Variants in PDE3B observed in about 807,000 individuals in gnomAD.
PDE3B encodes phosphodiesterase 3B, also known as cGMP-inhibited 3',5'-cyclic phosphodiesterase 3B.
A neutral mutation model predicts 116.8 loss-of-function variants in PDE3B; 66 were observed. The observed-to-expected ratio is 0.56, with a 90% CI of 0.46 to 0.69. The LOEUF is 0.69. Among genes scored for constraint, PDE3B ranks in the 30% least tolerant of loss-of-function variants. PDE3B has a pLI of 0.00. For missense variants in PDE3B, 1,384 were observed against 1,368.1 expected (o/e 1.01, Z -0.18); for synonymous variants, 595 against 533.6 (o/e 1.12, Z -1.59).
chr11:14,881,438 T>G, the PDE3B span, among the ~76,000 whole-genome samples: 1 of 152,110 alleles, frequency 6.6e-6, no homozygotes, highest in Non-Finnish European at 1.5e-5. Context: ...TCCCTTAAAT[T>G]AATTCAACAT....
chr11:14,656,885 G>T (rs982145476), intron 1 of PDE3B, among the ~76,000 whole-genome samples: 9 of 152,028 alleles, frequency 5.9e-5, no homozygotes, highest in Non-Finnish European at 1.0e-4. Context: ...CGTTTTTATT[G>T]TCTCGATACT....
the PDE3B span, chr11:14,879,526 A>AC: frequency 8.9e-7 from 1 of 1,124,988 alleles, no homozygotes; most frequent in Non-Finnish European, 1.3e-6. Context: ...AAAATAAAGG[A>AC]TAACCTATAA....
At chr11:14,730,350 C>G (rs772237169) in intron 1 of PDE3B, among the ~76,000 whole-genome samples, 1 of 152,152 alleles carries the variant, frequency 6.6e-6, no homozygotes, top group Non-Finnish European at 1.5e-5. Flanking sequence ...ATCAACACTC[C>G]TCAGGTAGGT....
chr11:14,695,562 A>G (rs759447435), intron 1 of PDE3B, among the ~76,000 whole-genome samples: 3 of 151,988 alleles, frequency 2.0e-5, no homozygotes, highest in Admixed American at 6.6e-5. Context: ...CAGGATGTGC[A>G]GGTTACATAG....
intron 1 of PDE3B, among the ~76,000 whole-genome samples, chr11:14,763,155 G>A (rs1394742932): frequency 1.3e-5 from 2 of 152,114 alleles, no homozygotes; most frequent in Non-Finnish European, 2.9e-5. Flanking sequence ...GACTCAGAGA[G>A]GAGACTGAGA....
intron 1 of PDE3B, among the ~76,000 whole-genome samples, chr11:14,655,578 A>G (rs558626191): frequency 7.0e-4 from 107 of 152,278 alleles, no homozygotes; most frequent in African/African-American, 2.3e-3. Flanking sequence ...GTTTATATCT[A>G]GTAGACTCAG....
chr11:14,891,013 A>C, the PDE3B span: 1 of 985,334 alleles, frequency 1.0e-6, no homozygotes. Context: ...CCAACTCCTT[A>C]AAAGGCTGTA....
At chr11:14,779,126 A>G (rs1857888300) in intron 2 of PDE3B, among the ~76,000 whole-genome samples, 1 of 151,876 alleles carries the variant, frequency 6.6e-6, no homozygotes, top group Non-Finnish European at 1.5e-5. Context: ...TTAGAGAAAA[A>G]AGAAAGAAAT....
At chr11:14,886,024 C>T in the PDE3B span, 7 of 1,108,256 alleles carry the variant, frequency 6.3e-6, no homozygotes, top group South Asian at 1.3e-5. Flanking sequence ...TTTGTTACGT[C>T]CCTGAAAATA....
At chr11:14,854,233 C>T (rs1163238907) in intron 12 of PDE3B, among the ~76,000 whole-genome samples, 2 of 152,158 alleles carry the variant, frequency 1.3e-5, no homozygotes, top group Non-Finnish European at 2.9e-5. Context: ...CACCTTTATG[C>T]AGAGTGACTA....
intron 1 of PDE3B, among the ~76,000 whole-genome samples, chr11:14,733,127 G>A (rs765691688): frequency 3.3e-5 from 5 of 152,042 alleles, no homozygotes; most frequent in Non-Finnish European, 5.9e-5. Context: ...TCAGATTCCC[G>A]TTTCTAAGAT....
Position 14,644,334 on chromosome 11 carries a change from G to C in PDE3B, c.259G>C (p.Ala87Pro), listed in dbSNP as rs781312962. The C allele has an allele frequency of 1.9e-6, 3 of 1,578,580 alleles. No individual in the cohort carries two copies. In the East Asian group the frequency reaches 7.1e-5, roughly 37 times the overall value. The change falls in exon 1 of 16, where the codon GCC becomes CCC. Residue 87 changes from alanine (A) to proline (P), a missense_variant. By Grantham distance (27) the Ala-to-Pro change is conservative (BLOSUM62 -1). Coordinates refer to ENST00000282096, the MANE Select transcript of PDE3B (RefSeq NM_000922.4). ...RARLSLGALAAFVLALLLGAE... is the reference protein window; with the variant it reads ...RARLSLGALAPFVLALLLGAE... Reference sequence around the variant, plus strand: ...GCGCCTCTCGCTGGGCGCCCTGGCTGCCTTTGTCCTCGCCCTGCTGCTGGG... The same window carrying C: ...GCGCCTCTCGCTGGGCGCCCTGGCTCCCTTTGTCCTCGCCCTGCTGCTGGG...
chr11:14,651,906 C>T (rs1165131738), intron 1 of PDE3B, among the ~76,000 whole-genome samples: 1 of 152,144 alleles, frequency 6.6e-6, no homozygotes. Flanking sequence ...TAATAGCTTT[C>T]TAATAAGACT....
rs752017954 is a variant in PDE3B, at chr11:14,843,859, G to C, written c.2353G>C (p.Ala785Pro). The change falls in exon 12 of 16, where the codon GCT (alanine) becomes CCT (proline). Residue 785 changes from alanine (A) to proline (P), a missense_variant. Ala to Pro is a conservative substitution (Grantham distance 27). Transcript: ENST00000282096. ...SDGRINHGRIAYISSKSCSNP... is the reference protein window; with the variant it reads ...SDGRINHGRIPYISSKSCSNP... ...TGGTAGAATTAACCATGGGCGAATTGCTTATATTTCTTCGAAGAGCTGCTC... is the reference window on the plus strand; with the variant it reads ...TGGTAGAATTAACCATGGGCGAATTCCTTATATTTCTTCGAAGAGCTGCTC... 3.7e-6 allele frequency: 6 copies of C among 1,614,088 alleles called. No individual in the cohort carries two copies. Among genetic ancestry groups the C allele is most frequent in the Non-Finnish European group, 5.1e-6 (6 of 1,179,964 alleles).
intron 1 of PDE3B, among the ~76,000 whole-genome samples, chr11:14,702,930 G>A (rs776286029): frequency 7.2e-5 from 11 of 151,904 alleles, no homozygotes; most frequent in East Asian, 3.9e-4. Flanking sequence ...TATGGCCTGC[G>A]CCACACAGGG....
At chr11:14,724,255 T>C (rs1323835051) in intron 1 of PDE3B, among the ~76,000 whole-genome samples, 1 of 152,206 alleles carries the variant, frequency 6.6e-6, no homozygotes, top group Non-Finnish European at 1.5e-5. Flanking sequence ...AAAGATTTCC[T>C]ACTTGCCTAT....
intron 1 of PDE3B, among the ~76,000 whole-genome samples, chr11:14,757,978 G>A (rs1306011707): frequency 6.6e-6 from 1 of 151,432 alleles, no homozygotes; most frequent in East Asian, 1.9e-4. Context: ...ATTGATTTTT[G>A]TATAAGGTGT....
chr11:14,785,047 CAGAT>C (rs955056818), intron 2 of PDE3B, among the ~76,000 whole-genome samples: 95 of 152,076 alleles, frequency 6.2e-4, no homozygotes, highest in African/African-American at 2.2e-3. Flanking sequence ...TTTTGCCTAT[CAGAT>C]AGGGATTAAT....
chr11:14,883,440 T>C, the PDE3B span, among the ~76,000 whole-genome samples: 27 of 152,208 alleles, frequency 1.8e-4, no homozygotes, highest in African/African-American at 6.5e-4. Context: ...GGGAAAAGAT[T>C]CCCTATTTAA....
Sources: gnomAD v4.1 joint callset for allele counts (sites outside exome capture counted in the v4.1 genomes callset) on GRCh38, gnomAD v4.1.1 for gene constraint, MANE v1.5 for transcripts, NCBI Gene and HGNC (gene_info 2026-07-23, HGNC 2026-07-21) for gene names.